The following LARGE1 variants were observed in gnomAD, a reference collection of about 807,000 sequenced individuals.
The protein encoded by LARGE1 is xylosyl- and glucuronyltransferase LARGE1.
Under a neutral mutation model 87.6 loss-of-function variants are expected in LARGE1, and 43 were observed. The observed-to-expected ratio is 0.49, with a 90% confidence interval of 0.38 to 0.63. The LOEUF (loss-of-function observed/expected upper bound fraction) is 0.63, where lower values mean the gene tolerates loss of function less well. Ranked by LOEUF, LARGE1 falls within the 30% of genes least tolerant of loss-of-function variation. The pLI is 0.00. For synonymous variants in LARGE1, 434 were observed against 394.6 expected (o/e 1.10, Z -1.18); for missense variants, 802 against 1,000.2 (o/e 0.80, Z 2.67).
At chr22:33,776,954 G>A (rs921660753) in intron 1 of LARGE1, among the ~76,000 whole-genome samples, 19 of 152,174 alleles carry the variant, frequency 1.2e-4, no homozygotes, top group African/African-American at 3.4e-4. Flanking sequence ...GAGATGGTCA[G>A]CACATGGGCC....
At chr22:33,106,992 G>T in the LARGE1 span, among the ~76,000 whole-genome samples, 1 of 152,162 alleles carries the variant, frequency 6.6e-6, no homozygotes, top group Non-Finnish European at 1.5e-5. Flanking sequence ...ATTCAGGGTT[G>T]GTTTTCATCC....
intron 1 of LARGE1, among the ~76,000 whole-genome samples, chr22:33,875,207 C>T (rs1420600510): frequency 6.6e-6 from 1 of 152,204 alleles, no homozygotes; most frequent in African/African-American, 2.4e-5. Flanking sequence ...CACTGACCCT[C>T]GTGCTATAAT....
chr22:33,852,759 G>A (rs574208073), intron 1 of LARGE1, among the ~76,000 whole-genome samples: 72 of 150,618 alleles, frequency 4.8e-4, no homozygotes, highest in African/African-American at 1.6e-3. Context: ...GGGAGGCTGA[G>A]GCAGGAGAAT....
At chr22:33,576,633 G>A (rs1268402723) in intron 5 of LARGE1, among the ~76,000 whole-genome samples, 2 of 152,124 alleles carry the variant, frequency 1.3e-5, no homozygotes, top group African/African-American at 4.8e-5. Flanking sequence ...CACCGCGAAA[G>A]CACATGGATA....
chr22:33,210,688 T>C (rs932001605), intron 11 of LARGE1, among the ~76,000 whole-genome samples: 2 of 152,258 alleles, frequency 1.3e-5, no homozygotes, highest in African/African-American at 4.8e-5. Context: ...CCTGTTGCCA[T>C]AGAGAAGCAC....
chr22:33,133,846 T>C, the LARGE1 span, among the ~76,000 whole-genome samples: 13 of 152,176 alleles, frequency 8.5e-5, no homozygotes, highest in East Asian at 2.3e-3. Flanking sequence ...CCAGCATCTG[T>C]TGTTTCTGAG....
At chr22:33,440,795 T>G (rs1442328969) in intron 6 of LARGE1, among the ~76,000 whole-genome samples, 1 of 152,160 alleles carries the variant, frequency 6.6e-6, no homozygotes, top group Non-Finnish European at 1.5e-5. Flanking sequence ...AAGGAGAATT[T>G]CTGAACCTGT....
intron 4 of LARGE1, among the ~76,000 whole-genome samples, chr22:33,622,940 T>C (rs113263916): frequency 4.6e-5 from 7 of 152,226 alleles, no homozygotes; most frequent in African/African-American, 1.7e-4. Flanking sequence ...ACAGTTACTG[T>C]AGGAGTAAAA....
At chr22:33,899,751 C>T (rs1198983701) in intron 1 of LARGE1, among the ~76,000 whole-genome samples, 1 of 152,172 alleles carries the variant, frequency 6.6e-6, no homozygotes, top group Non-Finnish European at 1.5e-5. Flanking sequence ...TGACCAGCAG[C>T]CCTCAGAAAT....
At chr22:33,899,003 A>G (rs933343692) in intron 1 of LARGE1, among the ~76,000 whole-genome samples, 1 of 152,196 alleles carries the variant, frequency 6.6e-6, no homozygotes, top group South Asian at 2.1e-4. Flanking sequence ...GAACAGGACC[A>G]CAAACCCCTG....
chr22:33,684,736 C>T (rs1034704686), intron 2 of LARGE1, among the ~76,000 whole-genome samples: 15 of 152,120 alleles, frequency 9.9e-5, no homozygotes, highest in East Asian at 5.8e-4. Context: ...AAGCTCATCC[C>T]GGGATGCCAC....
chr22:33,076,811 T>C, the LARGE1 span, among the ~76,000 whole-genome samples: 1 of 152,204 alleles, frequency 6.6e-6, no homozygotes, highest in African/African-American at 2.4e-5. Flanking sequence ...TCTTTAGCGT[T>C]GTATCTTAAG....
chr22:33,148,430 G>T, the LARGE1 span, among the ~76,000 whole-genome samples: 1 of 152,164 alleles, frequency 6.6e-6, no homozygotes, highest in African/African-American at 2.4e-5. Flanking sequence ...TTGCTCAATA[G>T]TAGGCCATTG....
chr22:33,727,366 T>C (rs1197587653), intron 2 of LARGE1: 4 of 152,050 alleles, frequency 2.6e-5, no homozygotes, highest in Non-Finnish European at 5.9e-5. Context: ...TTAAAGGAGG[T>C]AGTAGGTATT....
At position 33,273,788 on chromosome 22, in the gene LARGE1, A is replaced by C. The variant is rs373361875; in HGVS notation, c.*639T>G. 82 of 397,092 alleles carry C rather than the reference A, an allele frequency of 2.1e-4. No homozygotes were observed. The highest frequency in any genetic ancestry group is 9.2e-4 in the African/African-American group (44 of 47,836). The allele number at this position is 397,092 out of a possible 1,614,324, so 24.6% of individuals were successfully genotyped here. Reference sequence around the variant, plus strand: ...TTTTCTATTTTGGATTGCCAGCCCCAAAAATAAACAAAACCCCCAAAGAAA... The same window carrying C: ...TTTTCTATTTTGGATTGCCAGCCCCCAAAATAAACAAAACCCCCAAAGAAA... On this transcript the variant is annotated 3_prime_UTR_variant, in exon 15 of 15. Coordinates refer to ENST00000397394, the MANE Select transcript of LARGE1 (RefSeq NM_133642.5).
rs76912754 is a variant in LARGE1, at chr22:33,330,615, T to G, written c.1287+7031A>C. ...TAATAACCAATGCATACCAAATGCTTACTGCACTACATAAAGAATTTACAA... is the reference window on the plus strand; with the variant it reads ...TAATAACCAATGCATACCAAATGCTGACTGCACTACATAAAGAATTTACAA... On this transcript the variant is annotated intron_variant, in intron 10 of 14. Coordinates refer to ENST00000397394, the MANE Select transcript of LARGE1 (RefSeq NM_133642.5). 8.9e-3 allele frequency among the ~76,000 whole-genome samples: 1,351 copies of G among 152,316 alleles called. 19 individuals carry two copies. The highest frequency in any genetic ancestry group is 0.03 in the African/African-American group (1,264 of 41,562).
At chr22:33,566,570 A>G (rs750124181) in intron 5 of LARGE1, among the ~76,000 whole-genome samples, 4 of 152,226 alleles carry the variant, frequency 2.6e-5, no homozygotes, top group Admixed American at 1.3e-4. Context: ...AGACCCAAAG[A>G]GTGAGCAGCA....
intron 6 of LARGE1, among the ~76,000 whole-genome samples, chr22:33,491,571 T>C (rs1176338322): frequency 6.6e-6 from 1 of 152,234 alleles, no homozygotes; most frequent in Non-Finnish European, 1.5e-5. Flanking sequence ...TTCCTTTTAA[T>C]TAAAATGTTG....
rs74675699 is a variant in LARGE1, at chr22:33,505,625, T to C, written c.787+59223A>G. On this transcript the variant is annotated intron_variant, in intron 6 of 14. Coordinates refer to ENST00000397394, the MANE Select transcript of LARGE1 (RefSeq NM_133642.5). ...AGATTTTGGGCTGAATATGAAGAAC[T>C]TTCAAAAGCCAGAACTCTTTGTAGA... 3.9e-3 allele frequency among the ~76,000 whole-genome samples: 589 copies of C among 152,228 alleles called. 22 individuals are homozygous for C. In the East Asian group the frequency reaches 0.094, roughly 24 times the overall value.
Sources: gnomAD v4.1 joint callset for allele counts (sites outside exome capture counted in the v4.1 genomes callset) on GRCh38, gnomAD v4.1.1 for gene constraint, MANE v1.5 for transcripts, NCBI Gene and HGNC (gene_info 2026-07-23, HGNC 2026-07-21) for gene names.